The following FBXW12 variants were observed in gnomAD, a reference collection of about 807,000 sequenced individuals.
FBXW12 encodes the protein F-box and WD repeat domain containing 12.
FBXW12 carries 43 observed loss-of-function variants against 55.3 expected under a neutral mutation model. That is an observed-to-expected ratio of 0.78 (90% CI 0.61 to 1.00). The LOEUF is 1.00. FBXW12 is among the 50% of genes least tolerant of loss of function. The pLI is 0.00. For synonymous variants in FBXW12, 184 were observed against 203.8 expected, an observed-to-expected ratio of 0.90 and a Z score of 0.83; for missense variants, 524 against 560.5, an observed-to-expected ratio of 0.93 and a Z score of 0.66.
chr3:48,372,865 C>T lies in FBXW12; in HGVS notation c.90+8C>T, dbSNP rs751580732. The T allele has an allele frequency of 2.5e-5, 40 of 1,613,020 alleles. No individual in the cohort carries two copies. Among genetic ancestry groups the T allele is most frequent in the Non-Finnish European group, 2.8e-5 (33 of 1,179,096 alleles). On this transcript the variant is annotated splice_region_variant and intron_variant, in intron 2 of 10. Coordinates refer to ENST00000296438, the MANE Select transcript of FBXW12 (RefSeq NM_207102.2). ...GTTTCCCAGGTGAACAAGGTAAAGG[C>T]CTTCCACCTCCCACTGCCCCCCAAG...
chr3:48,387,119 C>G (rs2036858103), intron 10 of FBXW12, among the ~76,000 whole-genome samples: 1 of 151,956 alleles, frequency 6.6e-6, no homozygotes. Context: ...CTGGAGATGA[C>G]TTTTTTGAAA....
chr3:48,378,258 G>A, intron 5 of FBXW12, 59 bp from the exon 6 acceptor site: 2 of 1,317,876 alleles, frequency 1.5e-6, no homozygotes, highest in East Asian at 2.3e-5. Flanking sequence ...TGGGCAGAAT[G>A]AAAGCACAGT....
rs540981805 is a variant in FBXW12 at position 48,376,179 on chromosome 3, G to T, written c.405+707G>T. Among the ~76,000 whole-genome samples, 16 of 151,640 alleles carry T rather than the reference G, an allele frequency of 1.1e-4. No individual in the cohort carries two copies. The South Asian group carries it at 3.3e-3, about 32-fold the overall frequency. On this transcript the variant is annotated intron_variant, in intron 5 of 10. Transcript: ENST00000296438. ...GTATTTTTAGTAGAGACGGGGTTTC[G>T]CCATGTTGGCCAGGCTGTTCTTGAA...
At chr3:48,389,639 G>T (rs1330820003) in intron 10 of FBXW12, among the ~76,000 whole-genome samples, 1 of 152,188 alleles carries the variant, frequency 6.6e-6, no homozygotes, top group Non-Finnish European at 1.5e-5. Context: ...GCCTCCCGAA[G>T]TGTTGGGATT....
chr3:48,386,926 TTTC>T (rs1364076767), intron 10 of FBXW12, among the ~76,000 whole-genome samples: 30 of 146,648 alleles, frequency 2.0e-4, no homozygotes, highest in African/African-American at 5.7e-4. Flanking sequence ...ATTTTGTAGT[TTTC>T]TTCTTCTTCT....
Position 48,378,362 on chromosome 3 carries a change from A to T in FBXW12, c.451A>T (p.Asn151Tyr). The change falls in exon 6 of 11, where the codon AAT becomes TAT. Residue 151 changes from asparagine to tyrosine, a missense_variant. By Grantham distance (143) the Asn-to-Tyr change is moderately radical. Transcript: ENST00000296438. ...SSPVQEFHFS[N>Y]LVTLPQMHLA... ...CCCAGTCCAGGAGTTCCATTTCTCA[A>T]ATCTGGTAACCCTCCCTCAGATGCA... The T allele has an allele frequency of 6.2e-7, 1 of 1,614,084 alleles. No individual in the cohort carries two copies. Among genetic ancestry groups the T allele is most frequent in the South Asian group, 1.1e-5 (1 of 91,062 alleles).
At chr3:48,376,470 A>G (rs2036687853) in intron 5 of FBXW12, among the ~76,000 whole-genome samples, 1 of 152,206 alleles carries the variant, frequency 6.6e-6, no homozygotes, top group Admixed American at 6.5e-5. Context: ...TCTCTAGCTC[A>G]GATGATCTCC....
rs765354411 is a variant in FBXW12 at position 48,381,940 on chromosome 3, G to A, written c.1165-15G>A. The A allele has an allele frequency of 6.2e-7, 1 of 1,614,052 alleles. No individual in the cohort carries two copies. The highest frequency in any genetic ancestry group is 1.7e-5 in the Admixed American group (1 of 60,024). On this transcript the variant is annotated splice_polypyrimidine_tract_variant and intron_variant, in intron 9 of 10. Transcript: ENST00000296438. ...CTTTGACTCCTTGGCCACTCACTCT[G>A]GCTATCCTTGGAAGGATCCTTGCTA...
chr3:48,389,962 C>A (rs190414408), intron 10 of FBXW12, among the ~76,000 whole-genome samples: 1 of 152,144 alleles, frequency 6.6e-6, no homozygotes, highest in Non-Finnish European at 1.5e-5. Flanking sequence ...GGAGTCTTTA[C>A]GCCATTGTTT....
At chr3:48,376,728 A>G (rs1007815529) in intron 5 of FBXW12, among the ~76,000 whole-genome samples, 16 of 152,226 alleles carry the variant, frequency 1.1e-4, no homozygotes, top group African/African-American at 3.9e-4. Context: ...GCCACCGCAT[A>G]GAGAAAGCGA....
chr3:48,393,737 A>AACATGCTG (rs1183146042), intron 10 of FBXW12, among the ~76,000 whole-genome samples: 2 of 152,048 alleles, frequency 1.3e-5, no homozygotes, highest in African/African-American at 4.8e-5. Flanking sequence ...CAGCCTGGGC[A>AACATGCTG]ACATGCTGAG....
chr3:48,386,196 T>A (rs964460624), intron 10 of FBXW12, among the ~76,000 whole-genome samples: 4 of 152,204 alleles, frequency 2.6e-5, no homozygotes, highest in Admixed American at 2.6e-4. Context: ...AGTCCCAACT[T>A]TTTTTCTTTT....
chr3:48,373,862 C>T lies in FBXW12; in HGVS notation c.286+157C>T, dbSNP rs145271872. Reference sequence around the variant, plus strand: ...GGTTGCCGTGATAGCCATGTGATATCTCCCTGCTTCCTCTCTTGTCCCCAC... The same window carrying T: ...GGTTGCCGTGATAGCCATGTGATATTTCCCTGCTTCCTCTCTTGTCCCCAC... On this transcript the variant is annotated intron_variant, in intron 4 of 10. Transcript: ENST00000296438. Among the ~76,000 whole-genome samples, 391 of 152,276 alleles carry T rather than the reference C, an allele frequency of 2.6e-3. 2 individuals carry two copies. The highest frequency in any genetic ancestry group is 4.2e-3 in the Admixed American group (64 of 15,292).
intron 10 of FBXW12, among the ~76,000 whole-genome samples, chr3:48,390,404 CTCTTTT>C (rs2036905999): frequency 7.6e-6 from 1 of 131,780 alleles, no homozygotes; most frequent in Admixed American, 7.9e-5. Context: ...CTAGGATTTC[CTCTTTT>C]TTTTTTTTTT....
At chr3:48,390,406 C>CTTTTTTTTTTTTT (rs71625870) in intron 10 of FBXW12, among the ~76,000 whole-genome samples, 2 of 57,930 alleles carry the variant, frequency 3.5e-5, no homozygotes, top group Non-Finnish European at 6.0e-5. Context: ...AGGATTTCCT[C>CTTTTTTTTTTTTT]TTTTTTTTTT....
At position 48,372,859 on chromosome 3, in the gene FBXW12, T is replaced by C; in HGVS notation, c.90+2T>C. The C allele has an allele frequency of 6.2e-7, 1 of 1,614,010 alleles. No individual in the cohort carries two copies. Among genetic ancestry groups the C allele is most frequent in the African/African-American group, 1.3e-5 (1 of 75,022 alleles). On this transcript the variant is annotated splice_donor_variant, in intron 2 of 10. Coordinates refer to ENST00000296438, the MANE Select transcript of FBXW12 (RefSeq NM_207102.2). LOFTEE classifies it high-confidence loss of function. ...CTGCAGGTTTCCCAGGTGAACAAGGTAAAGGCCTTCCACCTCCCACTGCCC... is the reference window on the plus strand; with the variant it reads ...CTGCAGGTTTCCCAGGTGAACAAGGCAAAGGCCTTCCACCTCCCACTGCCC...
At position 48,374,143 on chromosome 3, in the gene FBXW12, A is replaced by AC. The variant is rs567368615; in HGVS notation, c.286+445dup. On this transcript the variant is annotated intron_variant, in intron 4 of 10. Transcript: ENST00000296438. ...AGACCAGCCTGGCCAACAAAGTGAGACCCCCCCTCCATCTCTATGAAAAAA... is the reference window on the plus strand; with the variant it reads ...AGACCAGCCTGGCCAACAAAGTGAGACCCCCCCCTCCATCTCTATGAAAAAA... Among the ~76,000 whole-genome samples the AC allele has an allele frequency of 3.4e-3, 519 of 151,720 alleles. 1 individual carries two copies. Among genetic ancestry groups the AC allele is most frequent in the South Asian group, 9.8e-3 (47 of 4,772 alleles).
At chr3:48,384,397 T>G (rs954627597) in intron 10 of FBXW12, among the ~76,000 whole-genome samples, 2 of 152,232 alleles carry the variant, frequency 1.3e-5, no homozygotes, top group Admixed American at 1.3e-4. Context: ...TCCCGCAACC[T>G]TGCTAAACTC....
intron 10 of FBXW12, among the ~76,000 whole-genome samples, chr3:48,390,610 T>C (rs2106655075): frequency 6.6e-6 from 1 of 151,494 alleles, no homozygotes; most frequent in East Asian, 2.0e-4. Flanking sequence ...AGATGGGGTT[T>C]TGCATGTTGG....
Sources: allele counts gnomAD v4.1 joint callset (sites outside exome capture counted in the v4.1 genomes callset), GRCh38; gene constraint gnomAD v4.1.1; transcripts MANE v1.5; gene names NCBI Gene and HGNC (gene_info 2026-07-23, HGNC 2026-07-21).